Variants in UBR3 observed in about 807,000 individuals in gnomAD.
The protein encoded by UBR3 is E3 ubiquitin-protein ligase UBR3.
A neutral mutation model predicts 243.2 loss-of-function variants in UBR3; 85 were observed. The ratio of observed to expected loss-of-function variants is 0.35; its 90% CI spans 0.29 to 0.42. UBR3 has a LOEUF of 0.42. Among genes scored for constraint, UBR3 ranks in the 10% least tolerant of loss-of-function variants. The pLI is 1.00. For missense variants in UBR3, 1,686 were observed against 2,300.8 expected (o/e 0.73, Z 5.47); for synonymous variants, 748 against 799.8 (o/e 0.94, Z 1.09).
At chr2:169,928,567 T>G (rs1002107491) in intron 17 of UBR3, among the ~76,000 whole-genome samples, 160 bp from the exon 18 acceptor site, 3 of 152,200 alleles carry the variant, frequency 2.0e-5, no homozygotes, top group Non-Finnish European at 2.9e-5. Flanking sequence ...AAACAGTTAT[T>G]ATTGATCTGT....
intron 8 of UBR3, among the ~76,000 whole-genome samples, chr2:169,899,125 C>T (rs1370890155): frequency 1.3e-5 from 2 of 152,020 alleles, no homozygotes; most frequent in Non-Finnish European, 2.9e-5. Flanking sequence ...ACTACAGGCG[C>T]CCGCCACCAT....
chr2:169,874,746 T>C (rs2083545040), intron 2 of UBR3, among the ~76,000 whole-genome samples: 1 of 152,182 alleles, frequency 6.6e-6, no homozygotes, highest in African/African-American at 2.4e-5. Context: ...AACATTAGCT[T>C]TACACTGAGA....
intron 18 of UBR3, among the ~76,000 whole-genome samples, chr2:169,932,317 A>G (rs967279655): frequency 6.6e-6 from 1 of 152,126 alleles, no homozygotes; most frequent in Admixed American, 6.5e-5. Context: ...ACCTCAAGTG[A>G]TCTGCCCACC....
chr2:170,023,072 A>G (rs143944672), intron 30 of UBR3, among the ~76,000 whole-genome samples: 51 of 152,180 alleles, frequency 3.4e-4, no homozygotes, highest in African/African-American at 1.2e-3. Context: ...TTGATTATTC[A>G]GTTGCAGAGA....
chr2:169,955,718 T>G (rs559700522), intron 23 of UBR3, among the ~76,000 whole-genome samples: 1 of 138,544 alleles, frequency 7.2e-6, no homozygotes, highest in South Asian at 2.3e-4. Context: ...TGCTTGAACC[T>G]GGGAGGCAGA....
intron 26 of UBR3, among the ~76,000 whole-genome samples, chr2:169,996,693 G>GTTTTTTTT (rs397871702): frequency 6.2e-5 from 4 of 64,476 alleles, no homozygotes; most frequent in South Asian, 4.1e-4. Flanking sequence ...TTGGACTTTT[G>GTTTTTTTT]TTTTTTTTTT....
intron 35 of UBR3, among the ~76,000 whole-genome samples, chr2:170,066,850 G>C (rs2091579475): frequency 1.3e-5 from 2 of 151,984 alleles, no homozygotes; most frequent in African/African-American, 4.8e-5. Context: ...TGTAGTCCCA[G>C]CTACTTGGGA....
intron 23 of UBR3, among the ~76,000 whole-genome samples, chr2:169,957,223 G>A (rs2087341269): frequency 6.6e-6 from 1 of 150,656 alleles, no homozygotes; most frequent in African/African-American, 2.4e-5. Flanking sequence ...TTCTTTATTA[G>A]TTGACTTATT....
intron 11 of UBR3, among the ~76,000 whole-genome samples, chr2:169,921,189 A>G (rs910137063): frequency 6.6e-6 from 1 of 152,192 alleles, no homozygotes; most frequent in Non-Finnish European, 1.5e-5. Flanking sequence ...TGGCAAAGAT[A>G]CTGAGTTTGG....
intron 2 of UBR3, 118 bp from the exon 3 acceptor site, chr2:169,875,673 A>T: frequency 7.8e-6 from 8 of 1,019,502 alleles, no homozygotes; most frequent in Non-Finnish European, 1.1e-5. Flanking sequence ...GACTTTTTTG[A>T]TTATAAAATA....
chr2:169,919,960 G>A (rs2105342876), intron 11 of UBR3, among the ~76,000 whole-genome samples: 1 of 152,284 alleles, frequency 6.6e-6, no homozygotes, highest in South Asian at 2.1e-4. Flanking sequence ...CCATGACTGG[G>A]TATATACCCA....
chr2:169,836,073 T>TTTTTTTTTTTTTTTTTTTTTTTTTGA (rs2082103522), intron 1 of UBR3, among the ~76,000 whole-genome samples: 1 of 68,012 alleles, frequency 1.5e-5, no homozygotes, highest in Non-Finnish European at 3.1e-5. Flanking sequence ...ATATATTTTT[T>TTTTTTTTTTTTTTTTTTTTTTTTTGA]TTTTTTTTTT....
intron 27 of UBR3, among the ~76,000 whole-genome samples, chr2:170,001,939 A>AAAAAAAAAAAAAAAAAAAG (rs1553531165): frequency 6.9e-5 from 8 of 116,204 alleles, no homozygotes; most frequent in African/African-American, 2.3e-4. Flanking sequence ...AAAAAAAAAA[A>AAAAAAAAAAAAAAAAAAAG]AAAGAAAGAA....
At chr2:169,866,298 G>C (rs942768826) in intron 1 of UBR3, among the ~76,000 whole-genome samples, 8 of 146,946 alleles carry the variant, frequency 5.4e-5, no homozygotes, top group Admixed American at 3.4e-4. Flanking sequence ...TGGAAATACA[G>C]CTTTTAAAAA....
At chr2:169,958,393 C>T in intron 23 of UBR3, 45 bp from the exon 24 acceptor site, 1 of 1,570,806 alleles carries the variant, frequency 6.4e-7, no homozygotes, top group Non-Finnish European at 8.7e-7. Context: ...GTAGCTAGGT[C>T]TTAAGCGCAT....
At chr2:170,000,205 T>C (rs951274968) in intron 26 of UBR3, among the ~76,000 whole-genome samples, 13 of 152,026 alleles carry the variant, frequency 8.6e-5, no homozygotes, top group Non-Finnish European at 1.6e-4. Flanking sequence ...ATAGTCTGGG[T>C]CCCTTCTTTA....
intron 33 of UBR3, among the ~76,000 whole-genome samples, chr2:170,057,049 G>T (rs2091350341): frequency 6.6e-6 from 1 of 151,614 alleles, no homozygotes; most frequent in South Asian, 2.1e-4. Flanking sequence ...TTTCTTGAAA[G>T]ATTTTTTCCC....
intron 8 of UBR3, among the ~76,000 whole-genome samples, chr2:169,901,854 A>G (rs998469940): frequency 6.6e-6 from 1 of 152,342 alleles, no homozygotes; most frequent in Middle Eastern, 3.4e-3. Context: ...GTCTTTGTAA[A>G]GTGGAATCTA....
chr2:169,830,884 G>C (rs910467163), intron 1 of UBR3, among the ~76,000 whole-genome samples: 1 of 151,416 alleles, frequency 6.6e-6, no homozygotes, highest in African/African-American at 2.4e-5. Flanking sequence ...GAATACAGTG[G>C]TAATTATCAG....
Sources: gnomAD v4.1 joint callset for allele counts (sites outside exome capture counted in the v4.1 genomes callset) on GRCh38, gnomAD v4.1.1 for gene constraint, MANE v1.5 for transcripts, NCBI Gene and HGNC (gene_info 2026-07-23, HGNC 2026-07-21) for gene names.